Variants in FAM83D observed in about 807,000 individuals in gnomAD.
The protein encoded by FAM83D is scaffolding CK1 anchoring protein D.
Under a neutral mutation model 25.4 loss-of-function variants are expected in FAM83D, and 26 were observed. The observed-to-expected ratio is 1.02, with a 90% confidence interval of 0.75 to 1.42. The LOEUF is 1.42. Among genes scored for constraint, FAM83D ranks in the 40% most tolerant of loss-of-function variants. The pLI is 0.00. For missense variants in FAM83D, 740 were observed against 758.1 expected (o/e 0.98, Z 0.28); for synonymous variants, 310 against 318.5 (o/e 0.97, Z 0.28).
At chr20:38,947,825 A>T (rs756337953) in intron 2 of FAM83D, 51 bp from the exon 3 acceptor site, 4 of 1,595,360 alleles carry the variant, frequency 2.5e-6, no homozygotes, top group Non-Finnish European at 3.4e-6. Context: ...TGCTCAGCAG[A>T]TGAGTATTGC....
chr20:38,928,960 C>T (rs574860993), intron 1 of FAM83D, among the ~76,000 whole-genome samples: 6 of 152,106 alleles, frequency 3.9e-5, no homozygotes, highest in East Asian at 3.9e-4. Context: ...AGGCAGATCA[C>T]GAGGTCAGGA....
intron 2 of FAM83D, among the ~76,000 whole-genome samples, chr20:38,945,056 T>G (rs914377358): frequency 2.6e-5 from 4 of 152,104 alleles, no homozygotes; most frequent in Non-Finnish European, 4.4e-5. Context: ...TCTGTGCTAG[T>G]GAATTTGTGC....
intron 3 of FAM83D, among the ~76,000 whole-genome samples, chr20:38,950,871 G>A (rs1418868177): frequency 6.6e-6 from 1 of 152,098 alleles, no homozygotes; most frequent in Non-Finnish European, 1.5e-5. Context: ...GTCATGGAAT[G>A]TGCAGTGGTG....
chr20:38,940,216 T>TA (rs769712099), intron 1 of FAM83D, among the ~76,000 whole-genome samples: 18 of 152,074 alleles, frequency 1.2e-4, no homozygotes, highest in Non-Finnish European at 2.1e-4. Flanking sequence ...AGACCATCAT[T>TA]AAAAGGGGTG....
At chr20:38,937,410 C>CTGCA (rs2085683391) in intron 1 of FAM83D, among the ~76,000 whole-genome samples, 1 of 152,204 alleles carries the variant, frequency 6.6e-6, no homozygotes, top group African/African-American at 2.4e-5. Flanking sequence ...GACCCACAGG[C>CTGCA]TGCAGCAAGA....
At chr20:38,943,142 A>G (rs1320356281) in intron 2 of FAM83D, among the ~76,000 whole-genome samples, 1 of 151,662 alleles carries the variant, frequency 6.6e-6, no homozygotes, top group East Asian at 1.9e-4. Context: ...ATCCTGCCTC[A>G]GCCTCCCAGT....
chr20:38,926,877 C>T lies in FAM83D; in HGVS notation c.435C>T (p.Pro145=). 6.6e-7 allele frequency: 1 copy of T among 1,504,470 alleles called. No individual in the cohort carries two copies. The allele number at this position is 1,504,470 out of a possible 1,614,324, so 93.2% of individuals were successfully genotyped here. The change falls in exon 1 of 4, where the codon CCC becomes CCT. Residue 145 remains proline (P), a synonymous_variant. Transcript: ENST00000619850. The part of the protein sequence containing the change: ...FQPRGAGEGG[P]YGCKDALRQQ... Reference sequence around the variant, plus strand: ...CCCGCGGCGCTGGCGAAGGTGGCCCCTACGGCTGCAAGGACGCTCTGCGCC... The same window carrying T: ...CCCGCGGCGCTGGCGAAGGTGGCCCTTACGGCTGCAAGGACGCTCTGCGCC...
chr20:38,926,614 C>T lies in FAM83D; in HGVS notation c.172C>T (p.Arg58Cys), dbSNP rs547544811. Residue 58 changes from arginine (R) to cysteine (C), a missense_variant, in exon 1 of 4, where the codon CGT (arginine) becomes TGT (cysteine). This residue lies in a region of FAM83D where 333 missense variants were observed against 298.6 expected (regional missense o/e 1.12). Transcript: ENST00000619850. ...AAFLRRERLARFLNPDEVHAI... is the reference protein window; with the variant it reads ...AAFLRRERLACFLNPDEVHAI... ...CTTCCTGCGACGCGAGCGCCTGGCT[C>T]GTTTCCTGAACCCCGATGAGGTGCA... 3 of 1,541,844 alleles carry T rather than the reference C, an allele frequency of 1.9e-6. No homozygotes were observed. Among genetic ancestry groups the T allele is most frequent in the Middle Eastern group, 1.7e-4 (1 of 5,980 alleles).
At chr20:38,943,319 C>T (rs4812340) in intron 2 of FAM83D, among the ~76,000 whole-genome samples, 19,827 of 152,228 alleles carry the variant, frequency 0.13, 1,361 homozygotes, top group Middle Eastern at 0.19. Context: ...GCCCCATGCC[C>T]AGCCTGCTCT....
At chr20:38,928,078 T>C (rs1229360149) in intron 1 of FAM83D, among the ~76,000 whole-genome samples, 1 of 152,108 alleles carries the variant, frequency 6.6e-6, no homozygotes, top group African/African-American at 2.4e-5. Flanking sequence ...TGCAGGTGGG[T>C]GTGGCACATA....
intron 1 of FAM83D, among the ~76,000 whole-genome samples, chr20:38,931,152 G>T (rs2085657428): frequency 6.6e-6 from 1 of 152,254 alleles, no homozygotes; most frequent in Non-Finnish European, 1.5e-5. Context: ...TTTTCAACAG[G>T]CTGAAGGTTT....
At chr20:38,928,341 C>G (rs1400287360) in intron 1 of FAM83D, among the ~76,000 whole-genome samples, 1 of 152,166 alleles carries the variant, frequency 6.6e-6, no homozygotes, top group Non-Finnish European at 1.5e-5. Flanking sequence ...GGTGGGGTTT[C>G]AGTGGTAGTG....
rs893871989 is a variant in FAM83D, at chr20:38,952,740, G to T, written c.*220G>T. The T allele has an allele frequency of 1.7e-6, 1 of 590,014 alleles. No individual in the cohort carries two copies. The highest frequency in any genetic ancestry group is 1.9e-5 in the African/African-American group (1 of 53,850). The allele number at this position is 590,014 out of a possible 1,614,324, so 36.5% of individuals were successfully genotyped here. ...TATGGTTTAAACACTATGGATACAG[G>T]GGTTTGTTTTGCACAATTTTAATAG... On this transcript the variant is annotated 3_prime_UTR_variant, in exon 4 of 4. Transcript: ENST00000619850.
intron 3 of FAM83D, among the ~76,000 whole-genome samples, chr20:38,951,265 C>G (rs889305769): frequency 6.6e-6 from 1 of 151,900 alleles, no homozygotes; most frequent in Non-Finnish European, 1.5e-5. Flanking sequence ...AGCAAGACCC[C>G]GTCTCAAAAC....
intron 2 of FAM83D, among the ~76,000 whole-genome samples, chr20:38,945,363 G>A (rs1228222351): frequency 2.0e-5 from 3 of 151,990 alleles, no homozygotes; most frequent in Non-Finnish European, 4.4e-5. Context: ...CCAAGTCCAG[G>A]TGTACCTCTA....
At chr20:38,933,029 T>C in intron 1 of FAM83D, among the ~76,000 whole-genome samples, 1 of 152,200 alleles carries the variant, frequency 6.6e-6, no homozygotes. Flanking sequence ...TGCACAACTT[T>C]CCTCTGCATT....
At position 38,947,932 on chromosome 20, in the gene FAM83D, G is replaced by C; in HGVS notation, c.708G>C (p.Lys236Asn). 6.2e-7 allele frequency: 1 copy of C among 1,614,224 alleles called. No individual in the cohort carries two copies. ...TCTACTATGCAAGGTCAGGAACTAAGATTATTGGGAAGGTTCACGAAAAGT... is the reference window on the plus strand; with the variant it reads ...TCTACTATGCAAGGTCAGGAACTAACATTATTGGGAAGGTTCACGAAAAGT... ...GNIYYARSGT[K>N]IIGKVHEKFT... is the part of the protein sequence containing the mutation. Residue 236 changes from lysine (K) to asparagine (N), a missense_variant, in exon 3 of 4, where the codon AAG becomes AAC. Physicochemically the swap from Lys to Asn is moderately conservative, Grantham distance 94. Coordinates refer to ENST00000619850, the MANE Select transcript of FAM83D (RefSeq NM_030919.3).
At position 38,951,625 on chromosome 20, in the gene FAM83D, G is replaced by A. The variant is rs1397085238; in HGVS notation, c.863G>A (p.Arg288Gln). The change falls in exon 4 of 4, where the codon CGA becomes CAA. Residue 288 changes from arginine (R) to glutamine (Q), a missense_variant. Coordinates refer to ENST00000619850, the MANE Select transcript of FAM83D (RefSeq NM_030919.3). ...QVVEHFDLEF[R>Q]ILYAQSKPIS... is the part of the protein sequence containing the mutation. Reference sequence around the variant, plus strand: ...GTTGAACACTTTGATCTGGAGTTCCGAATCCTGTATGCCCAGTCCAAGCCC... The same window carrying A: ...GTTGAACACTTTGATCTGGAGTTCCAAATCCTGTATGCCCAGTCCAAGCCC... 5 of 1,614,106 alleles carry A rather than the reference G, an allele frequency of 3.1e-6. No homozygotes were observed. The highest frequency in any genetic ancestry group is 1.3e-5 in the African/African-American group (1 of 75,012).
intron 1 of FAM83D, among the ~76,000 whole-genome samples, chr20:38,939,942 C>T (rs1376891246): frequency 6.6e-6 from 1 of 152,124 alleles, no homozygotes; most frequent in African/African-American, 2.4e-5. Flanking sequence ...AACTGAGGCT[C>T]AGAGAGATTA....
Sources: gnomAD v4.1 joint callset for allele counts (sites outside exome capture counted in the v4.1 genomes callset) on GRCh38, gnomAD v4.1.1 for gene constraint, gnomAD v4.1.1 regional missense constraint, MANE v1.5 for transcripts, NCBI Gene and HGNC (gene_info 2026-07-23, HGNC 2026-07-21) for gene names.